Variants in CSGALNACT1 observed in about 807,000 individuals in gnomAD.
The protein encoded by CSGALNACT1 is chondroitin sulfate N-acetylgalactosaminyltransferase 1, also known as beta4GalNAcT-1.
A neutral mutation model predicts 51.0 loss-of-function variants in CSGALNACT1; 52 were observed. The observed-to-expected ratio is 1.02, with a 90% CI of 0.82 to 1.29. The LOEUF is 1.29. CSGALNACT1 is among the 50% of genes most tolerant of loss of function. CSGALNACT1 has a pLI of 0.00. For missense variants in CSGALNACT1, 935 were observed against 679.2 expected, an observed-to-expected ratio of 1.38 and a Z score of -4.19; for synonymous variants, 341 against 254.4, an observed-to-expected ratio of 1.34 and a Z score of -3.24.
intron 4 of CSGALNACT1, among the ~76,000 whole-genome samples, chr8:19,482,536 T>G (rs1278049540): frequency 6.6e-6 from 1 of 152,168 alleles, no homozygotes; most frequent in Non-Finnish European, 1.5e-5. Flanking sequence ...TATTCGATGC[T>G]AATGCCCACA....
rs1554794475 is a variant in CSGALNACT1 at position 19,666,831 on chromosome 8, G to GAAAGAAAGAA, written c.-544+15641_-544+15642insTTCTTTCTTT. 1.9e-3 allele frequency among the ~76,000 whole-genome samples: 48 copies of GAAAGAAAGAA among 24,930 alleles called. 4 individuals carry two copies. The highest frequency in any genetic ancestry group is 3.9e-3 in the Admixed American group (9 of 2,332). 16.4% of individuals were successfully genotyped at this position (24,930 alleles called of 152,430 possible). A position where few individuals can be genotyped will look rare whatever the true frequency, so the allele number is the denominator to read the frequency against. ...AGAAAGAGAGAGAGAGAGAGAGAGAGAGAAAGAAAGAAAGAAAGAAAGAAA... is the reference window on the plus strand; with the variant it reads ...AGAAAGAGAGAGAGAGAGAGAGAGAGAAAGAAAGAAAGAAAGAAAGAAAGAAAGAAAGAAA... On this transcript the variant is annotated intron_variant, in intron 1 of 9. Transcript: ENST00000332246.
chr8:19,491,218 T>C (rs1402111776), intron 4 of CSGALNACT1, among the ~76,000 whole-genome samples: 2 of 152,218 alleles, frequency 1.3e-5, no homozygotes, highest in East Asian at 3.8e-4. Context: ...TAATATTTAC[T>C]GAATAAATGA....
intron 1 of CSGALNACT1, among the ~76,000 whole-genome samples, chr8:19,664,168 C>T (rs544242471): frequency 2.0e-4 from 30 of 152,300 alleles, no homozygotes; most frequent in African/African-American, 5.5e-4. Context: ...CTTAGACTCA[C>T]ATTTTATGTT....
Position 19,408,688 on chromosome 8 carries a change from T to A in CSGALNACT1, c.1234A>T (p.Lys412Ter), listed in dbSNP as rs745868749. 2 of 1,613,902 alleles carry A rather than the reference T, an allele frequency of 1.2e-6. No individual in the cohort carries two copies. The highest frequency in any genetic ancestry group is 1.7e-6 in the Non-Finnish European group (2 of 1,179,956). The change falls in exon 9 of 10, where the codon AAG becomes TAG. Residue 412 changes from lysine to a stop codon, truncating the protein, a stop_gained. Transcript: ENST00000454498. LOFTEE classifies it high-confidence loss of function. ...TCTCTCCAAAATCCAGTTTCCTTCTTTATGACCTGCAAGAAAAGCACTGTC... is the reference window on the plus strand; with the variant it reads ...TCTCTCCAAAATCCAGTTTCCTTCTATATGACCTGCAAGAAAAGCACTGTC...
At position 19,717,410 on chromosome 8, in the gene CSGALNACT1, CA is replaced by C; in HGVS notation, c.-297+40439del. ...GTACAGACACATAACATAGCCACAC[CA>C]AAAGGTTACTTAGGAAGGTGGTAGA... On this transcript the variant is annotated intron_variant, in intron 1 of 1. Coordinates refer to the CSGALNACT1 transcript ENST00000517494. 2.0e-5 allele frequency among the ~76,000 whole-genome samples: 3 copies of C among 152,272 alleles called. 1 individual carries two copies. The East Asian group carries it at 5.8e-4, about 29-fold the overall frequency.
intron 4 of CSGALNACT1, among the ~76,000 whole-genome samples, chr8:19,476,555 T>C (rs1321093405): frequency 1.3e-5 from 2 of 152,152 alleles, no homozygotes; most frequent in Admixed American, 6.5e-5. Flanking sequence ...CCAATATTTT[T>C]TTTCAAATCA....
At chr8:19,549,329 T>C (rs1354354438) in intron 3 of CSGALNACT1, among the ~76,000 whole-genome samples, 1 of 152,182 alleles carries the variant, frequency 6.6e-6, no homozygotes. Flanking sequence ...TGATGCACTG[T>C]CATTATAGTT....
intron 1 of CSGALNACT1, among the ~76,000 whole-genome samples, chr8:19,670,547 T>C (rs1344165032): frequency 7.0e-6 from 1 of 143,020 alleles, no homozygotes; most frequent in Non-Finnish European, 1.5e-5. Flanking sequence ...CTCTGAAGGG[T>C]CAGAAATGAC....
intron 3 of CSGALNACT1, among the ~76,000 whole-genome samples, chr8:19,557,576 T>G (rs2039751165): frequency 6.6e-6 from 1 of 152,130 alleles, no homozygotes; most frequent in Admixed American, 6.5e-5. Context: ...CATTTGTACT[T>G]TCTCTTTTTC....
chr8:19,569,630 A>G (rs902944110), intron 3 of CSGALNACT1, among the ~76,000 whole-genome samples: 1 of 152,198 alleles, frequency 6.6e-6, no homozygotes, highest in Non-Finnish European at 1.5e-5. Context: ...GCTCACATAC[A>G]TTGCTGGTAG....
intron 4 of CSGALNACT1, among the ~76,000 whole-genome samples, chr8:19,472,948 G>A (rs377190448): frequency 1.3e-4 from 20 of 152,300 alleles, no homozygotes; most frequent in African/African-American, 4.8e-4. Context: ...ACTCAGTGAT[G>A]TTAGAAATAA....
chr8:19,579,582 T>C (rs1215999833), intron 3 of CSGALNACT1, among the ~76,000 whole-genome samples: 2 of 152,212 alleles, frequency 1.3e-5, no homozygotes, highest in Non-Finnish European at 2.9e-5. Context: ...ACATAGGTAT[T>C]TGTCTCTACC....
chr8:19,605,188 T>C (rs1356691098), upstream of CSGALNACT1, among the ~76,000 whole-genome samples: 2 of 152,236 alleles, frequency 1.3e-5, no homozygotes, highest in Non-Finnish European at 2.9e-5. Context: ...AAACCTTGCT[T>C]TGCCCAATTC....
chr8:19,663,340 T>C (rs899128125), intron 1 of CSGALNACT1, among the ~76,000 whole-genome samples: 4 of 152,212 alleles, frequency 2.6e-5, no homozygotes, highest in African/African-American at 9.6e-5. Flanking sequence ...AAACCCTGTT[T>C]TCTTTGGGTG....
intron 3 of CSGALNACT1, among the ~76,000 whole-genome samples, chr8:19,510,816 G>A: frequency 6.6e-6 from 1 of 152,218 alleles, no homozygotes; most frequent in Non-Finnish European, 1.5e-5. Context: ...TACAGATACT[G>A]TTTACCATTT....
chr8:19,540,817 G>A (rs1032373440), intron 3 of CSGALNACT1, among the ~76,000 whole-genome samples: 5 of 152,072 alleles, frequency 3.3e-5, no homozygotes, highest in African/African-American at 4.8e-5. Flanking sequence ...TTCTCCCTTT[G>A]CTGGAATAAT....
chr8:19,494,494 G>A (rs1415151592), intron 4 of CSGALNACT1, among the ~76,000 whole-genome samples: 1 of 152,164 alleles, frequency 6.6e-6, no homozygotes, highest in East Asian at 1.9e-4. Flanking sequence ...CTTCATTTGG[G>A]CTCTGGGGCT....
chr8:19,430,143 T>A (rs192226353), intron 6 of CSGALNACT1, among the ~76,000 whole-genome samples: 1 of 152,344 alleles, frequency 6.6e-6, no homozygotes, highest in African/African-American at 2.4e-5. Flanking sequence ...AAATATTTTA[T>A]CCCATTATAT....
At chr8:19,449,548 G>A (rs1007400935) in intron 5 of CSGALNACT1, among the ~76,000 whole-genome samples, 5 of 152,096 alleles carry the variant, frequency 3.3e-5, no homozygotes, top group African/African-American at 1.2e-4. Context: ...TACACTTACT[G>A]CTTTAAAATA....
Sources: allele counts gnomAD v4.1 joint callset (sites outside exome capture counted in the v4.1 genomes callset), GRCh38; gene constraint gnomAD v4.1.1; transcripts MANE v1.5; gene names NCBI Gene and HGNC (gene_info 2026-07-23, HGNC 2026-07-21).